The following PTPRM variants were observed in gnomAD, a reference collection of about 807,000 sequenced individuals.
The protein encoded by PTPRM is receptor-type tyrosine-protein phosphatase mu.
In PTPRM, 47 loss-of-function variants were observed where a neutral mutation model predicts 186.7. That is an observed-to-expected ratio of 0.25 (90% CI 0.20 to 0.32). PTPRM has a LOEUF of 0.32. Ranked by LOEUF, PTPRM falls within the 10% of genes least tolerant of loss-of-function variation. PTPRM has a pLI of 1.00. For missense variants in PTPRM, 1,494 were observed against 1,865.0 expected (o/e 0.80, Z 3.66); for synonymous variants, 668 against 674.9 (o/e 0.99, Z 0.16).
intron 3 of PTPRM, among the ~76,000 whole-genome samples, chr18:7,903,403 T>G (rs1439462414): frequency 6.6e-6 from 1 of 152,218 alleles, no homozygotes; most frequent in Non-Finnish European, 1.5e-5. Flanking sequence ...CAGAGCAGCT[T>G]GCAGGTTCCT....
rs570583107 is a variant in PTPRM, at chr18:8,064,140, A to C, written c.1133-5546A>C. On this transcript the variant is annotated intron_variant, in intron 7 of 32. Transcript: ENST00000580170. ...GGAAGTTTAAATGATTAGTTTTTTA[A>C]ATTTTAAATTTAATAATTTAAATTA... is the stretch of plus-strand genomic sequence containing the variant. Among the ~76,000 whole-genome samples the C allele has an allele frequency of 2.0e-5, 3 of 152,266 alleles. No individual in the cohort carries two copies. The East Asian group carries it at 5.8e-4, about 29-fold the overall frequency.
chr18:8,108,949 A>T (rs1187893071), intron 11 of PTPRM, among the ~76,000 whole-genome samples: 1 of 152,222 alleles, frequency 6.6e-6, no homozygotes, highest in East Asian at 1.9e-4. Flanking sequence ...CATTAAAAGG[A>T]TAATAGAATT....
intron 2 of PTPRM, among the ~76,000 whole-genome samples, chr18:7,843,043 A>G (rs568866789): frequency 6.6e-5 from 10 of 150,404 alleles, no homozygotes; most frequent in African/African-American, 2.2e-4. Flanking sequence ...TATATCTACT[A>G]TTGATTCTGT....
chr18:7,994,288 A>G (rs1040393347), intron 7 of PTPRM, among the ~76,000 whole-genome samples: 2 of 151,910 alleles, frequency 1.3e-5, no homozygotes, highest in African/African-American at 4.8e-5. Context: ...ACACACACAC[A>G]CACACACACC....
At chr18:8,133,524 T>G (rs997275279) in intron 13 of PTPRM, among the ~76,000 whole-genome samples, 1 of 152,148 alleles carries the variant, frequency 6.6e-6, no homozygotes, top group Admixed American at 6.6e-5. Context: ...CTCTAGGAGT[T>G]CAGCAGGAGA....
intron 1 of PTPRM, among the ~76,000 whole-genome samples, chr18:7,684,471 A>C (rs1198581178): frequency 1.3e-5 from 2 of 152,108 alleles, no homozygotes; most frequent in Non-Finnish European, 2.9e-5. Context: ...TGGAGTACTG[A>C]AACTTTATAC....
chr18:8,227,549 A>T (rs901305958), intron 14 of PTPRM, among the ~76,000 whole-genome samples: 2 of 152,174 alleles, frequency 1.3e-5, no homozygotes, highest in Non-Finnish European at 2.9e-5. Context: ...AGAATATGCA[A>T]TTTTATCAGG....
intron 7 of PTPRM, among the ~76,000 whole-genome samples, chr18:7,996,574 C>T (rs2147708047): frequency 6.6e-6 from 1 of 152,034 alleles, no homozygotes; most frequent in South Asian, 2.1e-4. Context: ...TAAAAGTCTC[C>T]AAATTGGAAA....
intron 14 of PTPRM, among the ~76,000 whole-genome samples, chr18:8,165,290 G>A (rs549040390): frequency 2.6e-5 from 4 of 152,262 alleles, no homozygotes; most frequent in African/African-American, 7.2e-5. Context: ...GAGCATTGGA[G>A]CACTCAGTGG....
chr18:7,720,381 G>T (rs1287389148), intron 1 of PTPRM, among the ~76,000 whole-genome samples: 1 of 152,032 alleles, frequency 6.6e-6, no homozygotes, highest in Non-Finnish European at 1.5e-5. Flanking sequence ...AAAAAATCAG[G>T]ACATAGACCC....
chr18:7,580,904 A>T (rs1598452112), intron 1 of PTPRM, among the ~76,000 whole-genome samples: 1 of 152,160 alleles, frequency 6.6e-6, no homozygotes, highest in Non-Finnish European at 1.5e-5. Flanking sequence ...GGCTGCTAGG[A>T]AGATATTAAG....
At chr18:7,984,849 TTATA>T (rs1183158431) in intron 7 of PTPRM, among the ~76,000 whole-genome samples, 2 of 129,224 alleles carry the variant, frequency 1.5e-5, no homozygotes, top group African/African-American at 3.0e-5. Context: ...ACATATAAAA[TTATA>T]TACACATATA....
At chr18:8,211,646 G>T (rs527533939) in intron 14 of PTPRM, among the ~76,000 whole-genome samples, 60 of 151,944 alleles carry the variant, frequency 3.9e-4, no homozygotes, top group African/African-American at 1.4e-3. Context: ...CTCGTGATCC[G>T]CCTGCCTCGC....
chr18:7,705,279 TTATCTATCTATCTATCTATCTATCTATC>T (rs67662119), intron 1 of PTPRM, among the ~76,000 whole-genome samples: 1 of 146,502 alleles, frequency 6.8e-6, no homozygotes, highest in Non-Finnish European at 1.5e-5. Context: ...AAATATCTAT[TTATCTATCTATCTATCTATCTATCTATC>T]TATCTATCTA....
chr18:8,280,766 G>A (rs1425312389), intron 19 of PTPRM, among the ~76,000 whole-genome samples: 1 of 152,132 alleles, frequency 6.6e-6, no homozygotes, highest in Non-Finnish European at 1.5e-5. Context: ...TTGTTCTGGA[G>A]GGACCACGCA....
intron 1 of PTPRM, among the ~76,000 whole-genome samples, chr18:7,621,875 A>T (rs2037947706): frequency 1.3e-5 from 2 of 152,202 alleles, no homozygotes; most frequent in African/African-American, 4.8e-5. Context: ...CTACTGAAGG[A>T]TATCTTGGTT....
intron 13 of PTPRM, among the ~76,000 whole-genome samples, chr18:8,142,729 G>T (rs2092793540): frequency 1.3e-5 from 2 of 152,204 alleles, no homozygotes; most frequent in Non-Finnish European, 2.9e-5. Flanking sequence ...CTGTCACCTA[G>T]TAAGGGTGGT....
intron 2 of PTPRM, among the ~76,000 whole-genome samples, chr18:7,794,516 A>T (rs2043509227): frequency 6.6e-6 from 1 of 152,158 alleles, no homozygotes; most frequent in South Asian, 2.1e-4. Flanking sequence ...TGAGGACAAG[A>T]GGACCATAGG....
In PTPRM at chr18:8,406,756, C is replaced by CA. The variant is rs2148665597; in HGVS notation, c.*596dup. ...GACTCAGTTCACAAAATGCAAAACT[C>CA]AACGATCAGATTCACGGACCCAGAG... On this transcript the variant is annotated 3_prime_UTR_variant, in exon 33 of 33. Transcript: ENST00000580170. 6.6e-6 allele frequency: 1 copy of CA among 152,324 alleles called. No individual in the cohort carries two copies. The highest frequency in any genetic ancestry group is 2.1e-4 in the South Asian group (1 of 4,818). 9.4% of individuals were successfully genotyped at this position (152,324 alleles called of 1,614,324 possible). A position where few individuals can be genotyped will look rare whatever the true frequency, so the allele number is the denominator to read the frequency against.
Sources: allele counts gnomAD v4.1 joint callset (sites outside exome capture counted in the v4.1 genomes callset), GRCh38; gene constraint gnomAD v4.1.1; transcripts MANE v1.5; gene names NCBI Gene and HGNC (gene_info 2026-07-23, HGNC 2026-07-21).